ANKRD17: variants seen among roughly 807,000 people sequenced by gnomAD.
The protein encoded by ANKRD17 is ankyrin repeat domain 17.
In ANKRD17, 19 loss-of-function variants were observed where a neutral mutation model predicts 229.7. That is an observed-to-expected ratio of 0.08 (90% CI 0.06 to 0.12). ANKRD17 has a LOEUF of 0.12. Ranked by LOEUF, ANKRD17 falls within the 10% of genes least tolerant of loss-of-function variation. The probability of loss-of-function intolerance (pLI) is 1.00; values close to 1 mark genes in which losing one functional copy is unlikely to be tolerated. For synonymous variants in ANKRD17, 1,112 were observed against 1,146.1 expected (o/e 0.97, Z 0.60); for missense variants, 2,176 against 3,176.8 (o/e 0.68, Z 7.57).
chr4:73,106,727 A>G (rs1189849424), intron 24 of ANKRD17, among the ~76,000 whole-genome samples: 1 of 151,960 alleles, frequency 6.6e-6, no homozygotes, highest in African/African-American at 2.4e-5. Context: ...AAAAATACAA[A>G]AATTAGCTGG....
intron 25 of ANKRD17, 74 bp from the exon 26 acceptor site, chr4:73,098,594 A>G: frequency 7.2e-7 from 1 of 1,397,946 alleles, no homozygotes; most frequent in South Asian, 1.4e-5. Flanking sequence ...GCACTTGAAG[A>G]AAAGAAAAAC....
At chr4:73,117,865 T>C (rs1159589263) in intron 22 of ANKRD17, among the ~76,000 whole-genome samples, 1 of 152,226 alleles carries the variant, frequency 6.6e-6, no homozygotes, top group African/African-American at 2.4e-5. Context: ...CTCTGTGCTA[T>C]GTACAGAAAG....
chr4:73,100,752 A>T, intron 25 of ANKRD17: 1 of 726,094 alleles, frequency 1.4e-6, no homozygotes, highest in Non-Finnish European at 1.7e-6. Context: ...AGAGGTATTT[A>T]CCATATTAAT....
intron 5 of ANKRD17, among the ~76,000 whole-genome samples, chr4:73,154,830 A>G (rs1731438714): frequency 6.6e-6 from 1 of 152,084 alleles, no homozygotes; most frequent in African/African-American, 2.4e-5. Context: ...TCACGAGGTC[A>G]GGAGATCGAG....
intron 7 of ANKRD17, among the ~76,000 whole-genome samples, chr4:73,150,254 G>A (rs1407375596): frequency 6.6e-6 from 1 of 152,056 alleles, no homozygotes; most frequent in Non-Finnish European, 1.5e-5. Context: ...TCAAATGTCT[G>A]GCCCCTACTA....
In ANKRD17 at chr4:73,163,839, T is replaced by A. The variant is rs552541873; in HGVS notation, c.548-2491A>T. 2.3e-3 allele frequency among the ~76,000 whole-genome samples: 355 copies of A among 152,338 alleles called. 3 individuals carry two copies. The highest frequency in any genetic ancestry group is 7.9e-3 in the African/African-American group (329 of 41,584). On this transcript the variant is annotated intron_variant, in intron 2 of 33. Coordinates refer to ENST00000358602, the MANE Select transcript of ANKRD17 (RefSeq NM_032217.5). The stretch of plus-strand genomic sequence containing the variant: ...TGATTTTTAGATTAGTACTTTTAGA[T>A]ATATTTTTATGCTTTTCTTTAATAA...
At chr4:73,250,906 A>G (rs909121095) in intron 1 of ANKRD17, among the ~76,000 whole-genome samples, 1 of 152,034 alleles carries the variant, frequency 6.6e-6, no homozygotes, top group Non-Finnish European at 1.5e-5. Context: ...GATGTTTCAA[A>G]TGTAAAATCT....
chr4:73,111,013 A>G (rs1725248935), intron 24 of ANKRD17, among the ~76,000 whole-genome samples: 1 of 152,210 alleles, frequency 6.6e-6, no homozygotes, highest in South Asian at 2.1e-4. Flanking sequence ...ACATTGGTGT[A>G]TTGCTAATGG....
intron 25 of ANKRD17, among the ~76,000 whole-genome samples, chr4:73,101,992 G>A (rs186342563): frequency 3.8e-4 from 57 of 151,982 alleles, no homozygotes; most frequent in Admixed American, 3.5e-3. Context: ...GTGCAGTGGT[G>A]CCAGATCATG....
intron 1 of ANKRD17, among the ~76,000 whole-genome samples, chr4:73,217,439 T>C (rs16849188): frequency 0.026 from 4,020 of 152,146 alleles, 179 homozygotes; most frequent in African/African-American, 0.092. Context: ...CAAATAAGAG[T>C]ATCCTCACTG....
intron 24 of ANKRD17, among the ~76,000 whole-genome samples, chr4:73,108,145 G>T (rs575969269): frequency 6.6e-6 from 1 of 152,216 alleles, no homozygotes; most frequent in South Asian, 2.1e-4. Context: ...TCAGGCAAAG[G>T]TAACGGGATT....
chr4:73,208,334 T>C (rs1029129889), intron 1 of ANKRD17, among the ~76,000 whole-genome samples: 1 of 151,912 alleles, frequency 6.6e-6, no homozygotes, highest in Admixed American at 6.6e-5. Flanking sequence ...TTCTGGGGCA[T>C]AAAACAAGCT....
At chr4:73,206,993 T>G (rs1053807380) in intron 1 of ANKRD17, among the ~76,000 whole-genome samples, 1 of 152,068 alleles carries the variant, frequency 6.6e-6, no homozygotes, top group Non-Finnish European at 1.5e-5. Flanking sequence ...CTGGCTAATT[T>G]TTGTATTTTT....
chr4:73,148,361 T>C (rs112029228), intron 8 of ANKRD17, among the ~76,000 whole-genome samples: 2,923 of 152,334 alleles, frequency 0.019, 96 homozygotes, highest in African/African-American at 0.066. Flanking sequence ...ACTGAGCCCC[T>C]TGGCAGCTTC....
chr4:73,121,003 C>G lies in ANKRD17; in HGVS notation c.3727G>C (p.Asp1243His). 6.2e-7 allele frequency: 1 copy of G among 1,613,824 alleles called. No individual in the cohort carries two copies. The highest frequency in any genetic ancestry group is 8.5e-7 in the Non-Finnish European group (1 of 1,179,902). ...AVKLLLDMGS[D>H]INAQIETNRN... Reference sequence around the variant, plus strand: ...TTGGTTTCTATCTGAGCATTTATGTCAGAGCCCATGTCTAACAGGAGCTTA... The same window carrying G: ...TTGGTTTCTATCTGAGCATTTATGTGAGAGCCCATGTCTAACAGGAGCTTA... Residue 1243 changes from aspartate (D) to histidine (H), a missense_variant, in exon 20 of 34, where the codon GAC (aspartate) becomes CAC (histidine). Asp to His is a moderately conservative substitution (Grantham distance 81, BLOSUM62 -1). This residue lies in a region of ANKRD17 where 178 missense variants were observed against 421.7 expected (regional missense o/e 0.42). Coordinates refer to ENST00000358602, the MANE Select transcript of ANKRD17 (RefSeq NM_032217.5).
intron 1 of ANKRD17, among the ~76,000 whole-genome samples, chr4:73,236,985 C>A (rs1743569314): frequency 6.6e-6 from 1 of 152,108 alleles, no homozygotes; most frequent in Admixed American, 6.6e-5. Context: ...AATACAAAGG[C>A]ATTGGGTTAT....
At chr4:73,141,953 A>ATTG in intron 13 of ANKRD17, 110 bp from the exon 14 acceptor site, 1 of 924,196 alleles carries the variant, frequency 1.1e-6, no homozygotes, top group Non-Finnish European at 1.6e-6. Flanking sequence ...TTAATATGTC[A>ATTG]TCTTAGACAA....
intron 1 of ANKRD17, among the ~76,000 whole-genome samples, chr4:73,219,267 A>T (rs1169137428): frequency 6.6e-6 from 1 of 152,240 alleles, no homozygotes; most frequent in African/African-American, 2.4e-5. Context: ...GAAATCTATG[A>T]AAGACTTACT....
At chr4:73,254,165 C>A (rs1745257961) in intron 1 of ANKRD17, among the ~76,000 whole-genome samples, 1 of 152,124 alleles carries the variant, frequency 6.6e-6, no homozygotes. Flanking sequence ...AAAAAACAAA[C>A]AAGAATATTT....
Sources: gnomAD v4.1 joint callset for allele counts (sites outside exome capture counted in the v4.1 genomes callset) on GRCh38, gnomAD v4.1.1 for gene constraint, gnomAD v4.1.1 regional missense constraint, MANE v1.5 for transcripts, NCBI Gene and HGNC (gene_info 2026-07-23, HGNC 2026-07-21) for gene names.